BMP7: variants seen among roughly 807,000 people sequenced by gnomAD.
The protein encoded by BMP7 is osteogenic protein 1.
BMP7 carries 12 observed loss-of-function variants against 41.2 expected under a neutral mutation model. The ratio of observed to expected loss-of-function variants is 0.29; its 90% confidence interval spans 0.19 to 0.47. The LOEUF is 0.47. BMP7 is among the 20% of genes least tolerant of loss of function. BMP7 has a pLI of 0.99. For synonymous variants in BMP7, 248 were observed against 250.0 expected, an observed-to-expected ratio of 0.99 and a Z score of 0.07; for missense variants, 467 against 606.0, an observed-to-expected ratio of 0.77 and a Z score of 2.41.
intron 3 of BMP7, among the ~76,000 whole-genome samples, chr20:57,188,786 C>T (rs1224418761): frequency 6.6e-6 from 1 of 152,184 alleles, no homozygotes; most frequent in Non-Finnish European, 1.5e-5. Context: ...GCTCATGGCC[C>T]ACCCCATCCT....
chr20:57,248,143 G>A (rs1003473434), intron 1 of BMP7, among the ~76,000 whole-genome samples: 1 of 152,210 alleles, frequency 6.6e-6, no homozygotes, highest in African/African-American at 2.4e-5. Flanking sequence ...TCATCTGGAG[G>A]CTTTGGAAGC....
intron 1 of BMP7, among the ~76,000 whole-genome samples, chr20:57,257,854 C>A (rs753679895): frequency 6.7e-5 from 10 of 149,818 alleles, no homozygotes; most frequent in Non-Finnish European, 1.2e-4. Flanking sequence ...AACTTGCCTG[C>A]CTTTGTGTGT....
At chr20:57,256,550 AT>A (rs1461935242) in intron 1 of BMP7, among the ~76,000 whole-genome samples, 1 of 152,168 alleles carries the variant, frequency 6.6e-6, no homozygotes, top group Non-Finnish European at 1.5e-5. Context: ...GGAAGAGTAA[AT>A]TTTGGGGTAC....
chr20:57,265,042 A>AAAAAAAAAG (rs1555819055), intron 1 of BMP7, among the ~76,000 whole-genome samples: 30 of 120,152 alleles, frequency 2.5e-4, no homozygotes, highest in African/African-American at 7.1e-4. Flanking sequence ...AAAAAAAAAA[A>AAAAAAAAAG]AAAAGAAAAG....
intron 3 of BMP7, among the ~76,000 whole-genome samples, chr20:57,189,339 C>T (rs1007822841): frequency 2.0e-5 from 3 of 152,226 alleles, no homozygotes; most frequent in Non-Finnish European, 4.4e-5. Context: ...TCCCATCCAT[C>T]CCCAGGCGCC....
At chr20:57,205,838 A>G (rs1450389091) in intron 2 of BMP7, among the ~76,000 whole-genome samples, 4 of 152,154 alleles carry the variant, frequency 2.6e-5, no homozygotes, top group African/African-American at 4.8e-5. Flanking sequence ...AATCAACGTG[A>G]ATGCGTCAAC....
At chr20:57,234,696 G>A (rs1024194062) in intron 1 of BMP7, among the ~76,000 whole-genome samples, 16 of 152,174 alleles carry the variant, frequency 1.1e-4, no homozygotes, top group African/African-American at 7.2e-5. Context: ...CATGAAAACC[G>A]CTTTCTTCAG....
At chr20:57,264,939 G>A (rs1203786125) in intron 1 of BMP7, among the ~76,000 whole-genome samples, 11 of 149,858 alleles carry the variant, frequency 7.3e-5, no homozygotes, top group Middle Eastern at 3.2e-3. Context: ...GCTGAGGCAC[G>A]AGAATCGCTT....
intron 1 of BMP7, among the ~76,000 whole-genome samples, chr20:57,245,635 ATT>A (rs565788005): frequency 0.094 from 11,057 of 118,172 alleles, 253 homozygotes; most frequent in Middle Eastern, 0.12. Flanking sequence ...GTGATTAGTG[ATT>A]TTTTTTTTTT....
At chr20:57,227,582 G>A (rs187067366) in intron 2 of BMP7, among the ~76,000 whole-genome samples, 7 of 152,184 alleles carry the variant, frequency 4.6e-5, no homozygotes, top group South Asian at 2.1e-4. Flanking sequence ...GACAGCCTGC[G>A]GGGTCCAGCA....
intron 2 of BMP7, among the ~76,000 whole-genome samples, chr20:57,222,895 C>A (rs1376429791): frequency 2.1e-5 from 3 of 144,146 alleles, no homozygotes; most frequent in Non-Finnish European, 4.4e-5. Flanking sequence ...CCAAAGGGAT[C>A]TTCACCCTTA....
intron 6 of BMP7, 99 bp downstream of exon 6, chr20:57,173,101 T>C (rs1983846751): frequency 7.9e-7 from 1 of 1,265,254 alleles, no homozygotes; most frequent in African/African-American, 1.5e-5. Context: ...GGCAATGGGC[T>C]GACATCTACT....
intron 2 of BMP7, among the ~76,000 whole-genome samples, chr20:57,227,272 A>G (rs1295153813): frequency 6.6e-6 from 1 of 152,180 alleles, no homozygotes; most frequent in Non-Finnish European, 1.5e-5. Flanking sequence ...CATTTTACAG[A>G]TAAGCCACCA....
At chr20:57,199,698 C>T (rs1447573227) in intron 3 of BMP7, among the ~76,000 whole-genome samples, 1 of 152,200 alleles carries the variant, frequency 6.6e-6, no homozygotes, top group Non-Finnish European at 1.5e-5. Flanking sequence ...GACTCACTTG[C>T]TCTTTAGCTC....
chr20:57,177,461 C>A (rs1331777924), intron 4 of BMP7, among the ~76,000 whole-genome samples: 1 of 152,096 alleles, frequency 6.6e-6, no homozygotes, highest in South Asian at 2.1e-4. Context: ...AATTCTCCTG[C>A]CTCAGCCTCC....
intron 1 of BMP7, among the ~76,000 whole-genome samples, chr20:57,254,017 C>CTTTTTTTTTTTTTTTT (rs35180643): frequency 2.8e-5 from 2 of 71,532 alleles, no homozygotes; most frequent in Non-Finnish European, 4.8e-5. Context: ...GGTTTCTTTC[C>CTTTTTTTTTTTTTTTT]TTTTTTTTTT....
intron 3 of BMP7, among the ~76,000 whole-genome samples, chr20:57,189,040 G>A (rs1381251951): frequency 6.6e-6 from 1 of 152,168 alleles, no homozygotes; most frequent in Middle Eastern, 3.2e-3. Flanking sequence ...CCCAGAAGGG[G>A]GTGGGACCTA....
chr20:57,191,217 G>C (rs943879179), intron 3 of BMP7, among the ~76,000 whole-genome samples: 2 of 152,182 alleles, frequency 1.3e-5, no homozygotes, highest in African/African-American at 4.8e-5. Flanking sequence ...ATCAACCAGT[G>C]CCTGAAGATT....
At chr20:57,178,240 G>A (rs1031660742) in intron 4 of BMP7, among the ~76,000 whole-genome samples, 2 of 152,220 alleles carry the variant, frequency 1.3e-5, no homozygotes, top group Admixed American at 6.5e-5. Flanking sequence ...GTCTGAGGCC[G>A]CTGGAGTAGC....
Sources: allele counts gnomAD v4.1 joint callset (sites outside exome capture counted in the v4.1 genomes callset), GRCh38; gene constraint gnomAD v4.1.1; transcripts MANE v1.5; gene names NCBI Gene and HGNC (gene_info 2026-07-23, HGNC 2026-07-21).